The following ADD3 variants were observed in gnomAD, a reference collection of about 807,000 sequenced individuals.
ADD3 encodes the protein gamma-adducin.
In ADD3, 25 loss-of-function variants were observed where a neutral mutation model predicts 80.2. The observed-to-expected ratio is 0.31, with a 90% CI of 0.23 to 0.44. The LOEUF is 0.44. Ranked by LOEUF, ADD3 falls within the 20% of genes least tolerant of loss-of-function variation. ADD3 has a pLI of 1.00. For missense variants in ADD3, 829 were observed against 847.5 expected (o/e 0.98, Z 0.27); for synonymous variants, 284 against 289.6 (o/e 0.98, Z 0.20).
intron 1 of ADD3, among the ~76,000 whole-genome samples, chr10:110,026,653 G>GT (rs1339422296): frequency 6.6e-6 from 1 of 152,052 alleles, no homozygotes; most frequent in Non-Finnish European, 1.5e-5. Flanking sequence ...TGGATTTAAT[G>GT]TTTTACATTG....
At chr10:110,021,354 C>G (rs1387398548) in intron 1 of ADD3, among the ~76,000 whole-genome samples, 1 of 152,164 alleles carries the variant, frequency 6.6e-6, no homozygotes, top group African/African-American at 2.4e-5. Flanking sequence ...CGATCCAGCA[C>G]TTCTCATAGG....
intron 12 of ADD3, 89 bp downstream of exon 12, chr10:110,126,592 G>C (rs1483924084): frequency 4.3e-6 from 4 of 927,658 alleles, no homozygotes; most frequent in Non-Finnish European, 6.5e-6. Context: ...TTTTACTAAG[G>C]TTAATATAAG....
intron 13 of ADD3, among the ~76,000 whole-genome samples, chr10:110,130,855 CAAAAAAAAAAAAACAGA>C (rs1852878529): frequency 1.1e-5 from 1 of 90,136 alleles, no homozygotes; most frequent in African/African-American, 4.0e-5. Flanking sequence ...GACTCCGTCT[CAAAAAAAAAAAAACAGA>C]AAAAGAAAAA....
Position 110,083,564 on chromosome 10 carries a change from T to C in ADD3, c.-29-17061T>C, listed in dbSNP as rs79090699. 7.7e-3 allele frequency among the ~76,000 whole-genome samples: 1,177 copies of C among 151,882 alleles called. 18 individuals are homozygous for C. Among genetic ancestry groups the C allele is most frequent in the African/African-American group, 0.027 (1,123 of 41,388 alleles). On this transcript the variant is annotated intron_variant, in intron 1 of 14. Coordinates refer to ENST00000356080, the MANE Select transcript of ADD3 (RefSeq NM_016824.5). ...AGAAGTATGGTGAGCAAAGCAACAA[T>C]CGGGGATGGCTTTTTTTTAGGAAGA...
chr10:110,048,185 G>C (rs1342278666), intron 1 of ADD3, among the ~76,000 whole-genome samples: 4 of 152,186 alleles, frequency 2.6e-5, no homozygotes, highest in Admixed American at 6.5e-5. Context: ...CTGCCACCAT[G>C]TAAGACATGC....
intron 2 of ADD3, among the ~76,000 whole-genome samples, chr10:110,105,480 T>G (rs1468270834): frequency 6.6e-6 from 1 of 152,236 alleles, no homozygotes; most frequent in Non-Finnish European, 1.5e-5. Flanking sequence ...AGGTGGGCTT[T>G]GAAACATTAA....
intron 1 of ADD3, among the ~76,000 whole-genome samples, chr10:110,039,102 G>GT (rs1353213435): frequency 6.6e-6 from 1 of 152,066 alleles, no homozygotes; most frequent in Non-Finnish European, 1.5e-5. Flanking sequence ...GTTTTTAATT[G>GT]TAACGACTTA....
At chr10:110,072,972 C>T (rs184361729) in intron 1 of ADD3, among the ~76,000 whole-genome samples, 23 of 152,178 alleles carry the variant, frequency 1.5e-4, no homozygotes, top group African/African-American at 5.1e-4. Context: ...TTTACTCCCT[C>T]AGCTGAATCC....
At chr10:110,019,555 C>T (rs978800631) in intron 1 of ADD3, among the ~76,000 whole-genome samples, 4 of 152,084 alleles carry the variant, frequency 2.6e-5, no homozygotes, top group African/African-American at 7.2e-5. Context: ...GGGTTTTCAC[C>T]GTGTTAGCTA....
At chr10:110,063,758 TATATATATATATATATATATATATAA>T (rs1196858963) in intron 1 of ADD3, among the ~76,000 whole-genome samples, 1 of 68,118 alleles carries the variant, frequency 1.5e-5, no homozygotes, top group Non-Finnish European at 3.2e-5. Context: ...TATATATATA[TATATATATATATATATATATATATAA>T]AGTGAACACC....
rs768885657 is a variant in ADD3 at position 110,100,732 on chromosome 10, C to T, written c.79C>T (p.Arg27Cys). The T allele has an allele frequency of 7.4e-6, 12 of 1,613,722 alleles. No homozygotes were observed. In the Middle Eastern group the frequency reaches 4.9e-4, roughly 66 times the overall value. ...SMPHKERYFD[R>C]INENDPEYIR... ...GCCTCACAAAGAGAGATATTTTGAC[C>T]GCATCAATGAAAATGACCCAGAATA... The change falls in exon 2 of 15, where the codon CGC (arginine) becomes TGC (cysteine). Residue 27 changes from arginine (R) to cysteine (C), a missense_variant. Arg to Cys is a radical substitution (Grantham distance 180). Transcript: ENST00000356080.
intron 1 of ADD3, among the ~76,000 whole-genome samples, chr10:110,048,543 G>T (rs1857148935): frequency 6.6e-6 from 1 of 152,170 alleles, no homozygotes; most frequent in Non-Finnish European, 1.5e-5. Flanking sequence ...TTAGGCTGAG[G>T]TGGTCTTAGA....
At chr10:110,063,740 TATATATATATATA>T (rs1564913820) in intron 1 of ADD3, among the ~76,000 whole-genome samples, 384 of 21,966 alleles carry the variant, frequency 0.017, 6 homozygotes, top group African/African-American at 0.059. Context: ...ATATTCATTA[TATATATATATATA>T]TATATATATA....
upstream of ADD3, among the ~76,000 whole-genome samples, chr10:110,006,807 A>T (rs1851671053): frequency 6.6e-6 from 1 of 151,906 alleles, no homozygotes; most frequent in African/African-American, 2.4e-5. Context: ...ACGAGTCTGC[A>T]GATGAGGAAA....
In ADD3 at chr10:110,031,607, G is replaced by A. The variant is rs372749234; in HGVS notation, c.-30+23308G>A. On this transcript the variant is annotated intron_variant, in intron 1 of 14. Transcript: ENST00000356080. The stretch of plus-strand genomic sequence containing the variant: ...GTACTGTTTATAAAGGAGTTTCTTG[G>A]CAAATGGTGTTGACTGATCAGTACT... 2.0e-5 allele frequency among the ~76,000 whole-genome samples: 3 copies of A among 151,716 alleles called. No homozygotes were observed. The East Asian group carries it at 5.8e-4, about 29-fold the overall frequency.
intron 1 of ADD3, among the ~76,000 whole-genome samples, chr10:110,053,777 C>T (rs1317140680): frequency 2.6e-5 from 4 of 152,124 alleles, no homozygotes; most frequent in African/African-American, 9.7e-5. Context: ...CATGTACACA[C>T]TGGTGTTGAA....
At chr10:110,027,658 C>T (rs1589778481) in intron 1 of ADD3, among the ~76,000 whole-genome samples, 1 of 152,266 alleles carries the variant, frequency 6.6e-6, no homozygotes, top group African/African-American at 2.4e-5. Context: ...ATCCCTGGAA[C>T]ATCTTTCTCT....
rs960607208 is a variant in ADD3, at chr10:110,069,947, C to T, written c.-29-30678C>T. Among the ~76,000 whole-genome samples the T allele has an allele frequency of 7.7e-4, 118 of 152,314 alleles. 1 individual carries two copies. The highest frequency in any genetic ancestry group is 2.8e-3 in the African/African-American group (115 of 41,578). ...GGCTTCCTGTAGCTTAAATTATACA[C>T]ACCACAGTAAACTGTTACCCAGTGG... On this transcript the variant is annotated intron_variant, in intron 1 of 14. Transcript: ENST00000356080.
intron 1 of ADD3, among the ~76,000 whole-genome samples, chr10:110,073,656 C>T (rs769176303): frequency 5.3e-5 from 8 of 152,172 alleles, no homozygotes; most frequent in Non-Finnish European, 1.2e-4. Context: ...TTACTCTGAT[C>T]ATCTCCTTGC....
Sources: gnomAD v4.1 joint callset for allele counts (sites outside exome capture counted in the v4.1 genomes callset) on GRCh38, gnomAD v4.1.1 for gene constraint, MANE v1.5 for transcripts, NCBI Gene and HGNC (gene_info 2026-07-23, HGNC 2026-07-21) for gene names.